Variants in DNAJC1 observed in about 807,000 individuals in gnomAD.
The protein encoded by DNAJC1 is dnaJ homolog subfamily C member 1.
DNAJC1 carries 58 observed loss-of-function variants against 76.6 expected under a neutral mutation model. That is an observed-to-expected ratio of 0.76 (90% confidence interval 0.61 to 0.94). DNAJC1 has a LOEUF of 0.94. DNAJC1 is among the 40% of genes least tolerant of loss of function. The pLI is 0.00. For missense variants in DNAJC1, 689 were observed against 677.3 expected (o/e 1.02, Z -0.19); for synonymous variants, 258 against 267.9 (o/e 0.96, Z 0.36).
At chr10:21,908,187 AAT>A (rs1468097098) in intron 6 of DNAJC1, among the ~76,000 whole-genome samples, 5 of 106,502 alleles carry the variant, frequency 4.7e-5, no homozygotes, top group African/African-American at 1.5e-4. Context: ...AATATATAAA[AAT>A]ATATATTATA....
At chr10:21,835,217 G>C (rs1341490450) in intron 8 of DNAJC1, among the ~76,000 whole-genome samples, 3 of 152,152 alleles carry the variant, frequency 2.0e-5, no homozygotes, top group African/African-American at 7.2e-5. Context: ...AGGCAAACAG[G>C]GTCTGGAGTG....
chr10:21,995,013 T>G (rs1838393392), intron 1 of DNAJC1, among the ~76,000 whole-genome samples: 1 of 150,900 alleles, frequency 6.6e-6, no homozygotes, highest in African/African-American at 2.4e-5. Context: ...AAGCACCACT[T>G]TAAGTCAGAA....
At chr10:21,888,783 A>C (rs1246844168) in intron 7 of DNAJC1, among the ~76,000 whole-genome samples, 2 of 152,092 alleles carry the variant, frequency 1.3e-5, no homozygotes, top group Non-Finnish European at 2.9e-5. Flanking sequence ...TTGAGGTTGG[A>C]GGGTGGGAGG....
At chr10:21,818,043 T>C (rs984464943) in intron 8 of DNAJC1, among the ~76,000 whole-genome samples, 2 of 152,210 alleles carry the variant, frequency 1.3e-5, no homozygotes, top group African/African-American at 2.4e-5. Flanking sequence ...AACAGCAATG[T>C]TCAGGGAACA....
intron 8 of DNAJC1, among the ~76,000 whole-genome samples, chr10:21,841,409 AAAAC>A (rs1156887857): frequency 2.0e-5 from 3 of 152,234 alleles, no homozygotes; most frequent in Admixed American, 1.3e-4. Flanking sequence ...TTACAAGAAA[AAAAC>A]AAACAACCCC....
At chr10:21,899,467 C>T (rs981354657) in intron 7 of DNAJC1, among the ~76,000 whole-genome samples, 2 of 152,196 alleles carry the variant, frequency 1.3e-5, no homozygotes, top group African/African-American at 4.8e-5. Flanking sequence ...GGGGCAGGTG[C>T]CATCTCTGCA....
At chr10:21,825,956 C>A (rs1835242804) in intron 8 of DNAJC1, among the ~76,000 whole-genome samples, 1 of 151,968 alleles carries the variant, frequency 6.6e-6, no homozygotes, top group African/African-American at 2.4e-5. Context: ...ACATATCGAC[C>A]AGCTGCAGTG....
At chr10:21,956,550 CAT>C (rs1837686697) in intron 1 of DNAJC1, among the ~76,000 whole-genome samples, 1 of 150,856 alleles carries the variant, frequency 6.6e-6, no homozygotes, top group Admixed American at 6.6e-5. Flanking sequence ...CATAAATACA[CAT>C]ACATATATAA....
chr10:21,842,447 A>T (rs1200237375), intron 8 of DNAJC1, among the ~76,000 whole-genome samples: 3 of 152,200 alleles, frequency 2.0e-5, no homozygotes, highest in Non-Finnish European at 4.4e-5. Context: ...GAAGTTTTTT[A>T]AAAAGCGTAT....
intron 10 of DNAJC1, among the ~76,000 whole-genome samples, chr10:21,762,681 C>T (rs1014785777): frequency 8.5e-5 from 13 of 152,120 alleles, no homozygotes; most frequent in Admixed American, 1.3e-4. Flanking sequence ...GTGATCATAG[C>T]TCACTGCAGC....
chr10:21,912,168 TTTTA>T (rs1836874292), intron 6 of DNAJC1, among the ~76,000 whole-genome samples: 1 of 152,092 alleles, frequency 6.6e-6, no homozygotes, highest in African/African-American at 2.4e-5. Flanking sequence ...CTTTTTTAGT[TTTTA>T]TTTTTCTTAT....
At chr10:21,766,027 G>A (rs776723153) in intron 10 of DNAJC1, among the ~76,000 whole-genome samples, 17 of 152,060 alleles carry the variant, frequency 1.1e-4, no homozygotes, top group African/African-American at 3.4e-4. Flanking sequence ...TATAGAAGAC[G>A]ATCTGTATAC....
intron 8 of DNAJC1, among the ~76,000 whole-genome samples, chr10:21,860,203 T>C (rs1274513907): frequency 6.7e-6 from 1 of 148,654 alleles, no homozygotes; most frequent in Non-Finnish European, 1.5e-5. Context: ...ACTTTGAAAA[T>C]GACAGCAGAT....
intron 1 of DNAJC1, among the ~76,000 whole-genome samples, chr10:21,938,265 G>T (rs1332540434): frequency 6.6e-6 from 1 of 151,398 alleles, no homozygotes; most frequent in Non-Finnish European, 1.5e-5. Context: ...GGATACGAAT[G>T]AAAACGAAAA....
rs549992974 is a variant in DNAJC1, at chr10:21,903,017, T to C, written c.820+1505A>G. Among the ~76,000 whole-genome samples the C allele has an allele frequency of 3.9e-5, 6 of 152,222 alleles. No homozygotes were observed. The East Asian group carries it at 9.7e-4, about 25-fold the overall frequency. ...ATCTTGGCTCACTGCAACCTCCACC[T>C]CCCAGGTTCAAGTGATTCTCCTGCC... is the stretch of plus-strand genomic sequence containing the variant. On this transcript the variant is annotated intron_variant, in intron 7 of 11. Coordinates refer to ENST00000376980, the MANE Select transcript of DNAJC1 (RefSeq NM_022365.4).
At chr10:21,917,411 T>C (rs142711107) in intron 6 of DNAJC1, among the ~76,000 whole-genome samples, 63 of 152,226 alleles carry the variant, frequency 4.1e-4, no homozygotes, top group African/African-American at 1.4e-3. Context: ...AATATTGATA[T>C]CTTATGTAAT....
At chr10:21,960,894 T>C (rs1837779916) in intron 1 of DNAJC1, among the ~76,000 whole-genome samples, 3 of 152,136 alleles carry the variant, frequency 2.0e-5, no homozygotes, top group Admixed American at 2.0e-4. Flanking sequence ...ATTCCAGAAC[T>C]TAAAGTAAAA....
chr10:21,786,451 T>C, intron 9 of DNAJC1, among the ~76,000 whole-genome samples: 1 of 95,740 alleles, frequency 1.0e-5, no homozygotes, highest in East Asian at 2.8e-4. Context: ...TATATATATA[T>C]ATATATATAT....
chr10:21,767,044 A>T (rs900768333), intron 9 of DNAJC1, among the ~76,000 whole-genome samples: 1 of 152,150 alleles, frequency 6.6e-6, no homozygotes, highest in African/African-American at 2.4e-5. Context: ...AATTTCCAGA[A>T]ATGGAATATC....
Sources: allele counts gnomAD v4.1 joint callset (sites outside exome capture counted in the v4.1 genomes callset), GRCh38; gene constraint gnomAD v4.1.1; transcripts MANE v1.5; gene names NCBI Gene and HGNC (gene_info 2026-07-23, HGNC 2026-07-21).